Variants in ZFHX3 observed in about 807,000 individuals in gnomAD.
ZFHX3 encodes zinc finger homeobox 3.
A neutral mutation model predicts 279.1 loss-of-function variants in ZFHX3; 42 were observed. That is an observed-to-expected ratio of 0.15 (90% CI 0.12 to 0.19). The LOEUF is 0.19. Ranked by LOEUF, ZFHX3 falls within the 10% of genes least tolerant of loss-of-function variation. The pLI is 1.00. For missense variants in ZFHX3, 4,981 were observed against 4,754.0 expected (o/e 1.05, Z -1.40); for synonymous variants, 2,293 against 1,957.8 (o/e 1.17, Z -4.52).
At chr16:73,880,778 C>T (rs183024910) in intron 1 of ZFHX3, among the ~76,000 whole-genome samples, 2 of 152,256 alleles carry the variant, frequency 1.3e-5, no homozygotes, top group Non-Finnish European at 2.9e-5. Context: ...ATTTCTGTTG[C>T]TTTTTAACAT....
At chr16:73,341,722 A>G (rs1368659162) in intron 3 of ZFHX3, among the ~76,000 whole-genome samples, 1 of 152,248 alleles carries the variant, frequency 6.6e-6, no homozygotes, top group Non-Finnish European at 1.5e-5. Context: ...TAAACAAGAG[A>G]TGGTATATAT....
intron 3 of ZFHX3, among the ~76,000 whole-genome samples, chr16:73,372,860 A>G (rs1290855905): frequency 6.6e-6 from 1 of 152,216 alleles, no homozygotes; most frequent in Non-Finnish European, 1.5e-5. Flanking sequence ...ATCCATTAAC[A>G]CAAACTCAGT....
At chr16:73,423,004 T>C (rs560042387) in intron 3 of ZFHX3, among the ~76,000 whole-genome samples, 2 of 152,334 alleles carry the variant, frequency 1.3e-5, no homozygotes, top group Admixed American at 6.5e-5. Flanking sequence ...TGTCTTCAAA[T>C]GGTCTTCCCT....
chr16:73,657,718 G>C (rs2052737219), intron 2 of ZFHX3, among the ~76,000 whole-genome samples: 1 of 151,798 alleles, frequency 6.6e-6, no homozygotes, highest in African/African-American at 2.4e-5. Context: ...GGTCTTTTTT[G>C]CCTGGCTTCT....
At chr16:73,366,698 A>C (rs1330635681) in intron 3 of ZFHX3, among the ~76,000 whole-genome samples, 1 of 152,042 alleles carries the variant, frequency 6.6e-6, no homozygotes, top group Non-Finnish European at 1.5e-5. Flanking sequence ...TTGTTGGCAA[A>C]AGTATGTGTG....
chr16:72,838,491 C>T (rs1303725164), intron 4 of ZFHX3, among the ~76,000 whole-genome samples: 2 of 152,174 alleles, frequency 1.3e-5, no homozygotes, highest in Non-Finnish European at 1.5e-5. Flanking sequence ...GTTACGAGTC[C>T]AAAGTGGCCA....
At chr16:73,612,768 A>G (rs2052260161) in intron 2 of ZFHX3, among the ~76,000 whole-genome samples, 1 of 152,222 alleles carries the variant, frequency 6.6e-6, no homozygotes, top group Non-Finnish European at 1.5e-5. Flanking sequence ...AATAGTGCCA[A>G]TATTTGCAAA....
At chr16:73,061,968 T>C (rs1479441160), upstream of ZFHX3, 1 of 152,180 alleles carries the variant, frequency 6.6e-6, no homozygotes, top group Non-Finnish European at 1.5e-5. Flanking sequence ...TAAATACTTA[T>C]GCTAATTTTA....
chr16:73,363,270 A>C (rs552432771), intron 3 of ZFHX3, among the ~76,000 whole-genome samples: 8 of 152,374 alleles, frequency 5.3e-5, no homozygotes, highest in African/African-American at 1.7e-4. Context: ...AGAATCACAA[A>C]TTAAATAAAT....
At chr16:73,406,599 T>C (rs558424146) in intron 3 of ZFHX3, among the ~76,000 whole-genome samples, 1 of 152,346 alleles carries the variant, frequency 6.6e-6, no homozygotes, top group East Asian at 1.9e-4. Context: ...GTTACATAGA[T>C]ACTTAGCTAC....
chr16:73,491,274 G>GACCT (rs1276357586), intron 2 of ZFHX3, among the ~76,000 whole-genome samples: 3 of 152,134 alleles, frequency 2.0e-5, no homozygotes, highest in Non-Finnish European at 4.4e-5. Flanking sequence ...GATGGAAAAG[G>GACCT]ACCTGGCTTT....
chr16:72,999,344 T>C (rs892358903), intron 1 of ZFHX3, among the ~76,000 whole-genome samples: 2 of 152,072 alleles, frequency 1.3e-5, no homozygotes, highest in African/African-American at 4.8e-5. Flanking sequence ...TTTTAGTAGA[T>C]ACAGGGTTTC....
chr16:73,026,673 C>CAAAAAAAAAAAAAAAAAAAAAAAAAAAAA lies in ZFHX3; in HGVS notation c.-50+21078_-50+21079insTTTTTTTTTTTTTTTTTTTTTTTTTTTTT, dbSNP rs10561679. ...CCCGGCAACAAGAGCAAAACTGCCT[C>CAAAAAAAAAAAAAAAAAAAAAAAAAAAAA]AAAAAAAAAAAAAAAAAAAAAACAC... is the stretch of plus-strand genomic sequence containing the variant. On this transcript the variant is annotated intron_variant, in intron 1 of 9. Coordinates refer to ENST00000268489, the MANE Select transcript of ZFHX3 (RefSeq NM_006885.4). Among the ~76,000 whole-genome samples the CAAAAAAAAAAAAAAAAAAAAAAAAAAAAA allele has an allele frequency of 2.5e-5, 2 of 79,624 alleles. 1 individual carries two copies. 52.2% of individuals were successfully genotyped at this position (79,624 alleles called of 152,430 possible).
intron 2 of ZFHX3, among the ~76,000 whole-genome samples, chr16:73,526,247 C>T (rs1274493559): frequency 6.6e-6 from 1 of 152,238 alleles, no homozygotes; most frequent in Non-Finnish European, 1.5e-5. Context: ...TATATTCTTT[C>T]AAGGTCATTA....
At chr16:73,736,738 C>G (rs1022912964) in intron 1 of ZFHX3, among the ~76,000 whole-genome samples, 1 of 152,200 alleles carries the variant, frequency 6.6e-6, no homozygotes, top group Admixed American at 6.5e-5. Context: ...TTCACCTATG[C>G]ACAGTTTATC....
rs1201474232 is a variant in ZFHX3 at position 73,184,982 on chromosome 16, T to TC, written c.-1103-41152dup. On this transcript the variant is annotated intron_variant, in intron 5 of 17. Transcript: ENST00000641206. ...GCAAAGTTAAGGAACATGCACCATC[T>TC]CTTTTTTTTTTTTTTCTGAGACAGC... is the stretch of plus-strand genomic sequence containing the variant. Among the ~76,000 whole-genome samples, 4 of 131,668 alleles carry TC rather than the reference T, an allele frequency of 3.0e-5. No homozygotes were observed. The East Asian group carries it at 8.0e-4, about 26-fold the overall frequency. 86.4% of individuals were successfully genotyped at this position (131,668 alleles called of 152,430 possible).
chr16:73,601,861 GA>G (rs1174786408), intron 2 of ZFHX3, among the ~76,000 whole-genome samples: 16 of 152,104 alleles, frequency 1.1e-4, no homozygotes, highest in Non-Finnish European at 2.9e-5. Context: ...GGAAATGCTG[GA>G]AAAAAACATG....
intron 3 of ZFHX3, among the ~76,000 whole-genome samples, chr16:73,424,836 C>A (rs946728346): frequency 1.3e-5 from 2 of 150,540 alleles, no homozygotes; most frequent in Non-Finnish European, 3.0e-5. Flanking sequence ...TAATCACCAT[C>A]TTTCACCATC....
chr16:73,801,323 A>C (rs1410108119), intron 1 of ZFHX3, among the ~76,000 whole-genome samples: 1 of 152,190 alleles, frequency 6.6e-6, no homozygotes, highest in African/African-American at 2.4e-5. Flanking sequence ...AACACAGGGA[A>C]TGACCAATAC....
Sources: allele counts gnomAD v4.1 joint callset (sites outside exome capture counted in the v4.1 genomes callset), GRCh38; gene constraint gnomAD v4.1.1; transcripts MANE v1.5; gene names NCBI Gene and HGNC (gene_info 2026-07-23, HGNC 2026-07-21).